CPNE4: variants seen among roughly 807,000 people sequenced by gnomAD.
CPNE4 encodes the protein copine-4.
CPNE4 carries 25 observed loss-of-function variants against 67.9 expected under a neutral mutation model. The observed-to-expected ratio is 0.37, with a 90% CI of 0.27 to 0.51. CPNE4 has a LOEUF of 0.51. CPNE4 is among the 20% of genes least tolerant of loss of function. The probability of loss-of-function intolerance (pLI) is 0.93; values close to 1 mark genes in which losing one functional copy is unlikely to be tolerated. For synonymous variants in CPNE4, 242 were observed against 244.9 expected (o/e 0.99, Z 0.11); for missense variants, 464 against 690.8 (o/e 0.67, Z 3.68).
chr3:131,986,398 C>T (rs1238377825), intron 1 of CPNE4, among the ~76,000 whole-genome samples: 2 of 152,206 alleles, frequency 1.3e-5, no homozygotes, highest in Non-Finnish European at 2.9e-5. Flanking sequence ...AGCTCTAGCA[C>T]ACCACTGTTC....
rs148984188 is a variant in CPNE4 at position 131,591,713 on chromosome 3, G to A, written c.682-4131C>T. ...ATTTTATTTTGACCTTTCTGAGAAGGGATCCCAAAGGAAGAAAGACACAGT... is the reference window on the plus strand; with the variant it reads ...ATTTTATTTTGACCTTTCTGAGAAGAGATCCCAAAGGAAGAAAGACACAGT... On this transcript the variant is annotated intron_variant, in intron 7 of 15. Transcript: ENST00000429747. 4.2e-3 allele frequency among the ~76,000 whole-genome samples: 634 copies of A among 152,220 alleles called. 4 individuals are homozygous for A. Among genetic ancestry groups the A allele is most frequent in the African/African-American group, 0.014 (593 of 41,538 alleles).
intron 1 of CPNE4, among the ~76,000 whole-genome samples, chr3:131,976,082 T>TTG: frequency 8.0e-5 from 1 of 12,532 alleles, no homozygotes; most frequent in African/African-American, 3.3e-4. Flanking sequence ...ATATTGTTGG[T>TTG]TTTTTTTTTT....
intron 1 of CPNE4, among the ~76,000 whole-genome samples, chr3:131,997,594 A>G (rs182143489): frequency 6.6e-6 from 1 of 152,244 alleles, no homozygotes; most frequent in Admixed American, 6.5e-5. Flanking sequence ...AGGTTCACGA[A>G]TCCATTGGTA....
chr3:131,952,589 C>T (rs2071790518), intron 1 of CPNE4, among the ~76,000 whole-genome samples: 1 of 73,708 alleles, frequency 1.4e-5, no homozygotes, highest in African/African-American at 5.4e-5. Context: ...AGCACCCCGC[C>T]CGGCCAGCCG....
chr3:132,010,942 C>T (rs933615192), intron 1 of CPNE4, among the ~76,000 whole-genome samples: 1 of 152,212 alleles, frequency 6.6e-6, no homozygotes, highest in Non-Finnish European at 1.5e-5. Flanking sequence ...GAGCACCACA[C>T]AGCATGAAGA....
chr3:132,023,715 C>T (rs541026322), intron 1 of CPNE4, among the ~76,000 whole-genome samples: 39 of 152,266 alleles, frequency 2.6e-4, no homozygotes, highest in African/African-American at 8.7e-4. Flanking sequence ...TCTCGATCTC[C>T]TGACCTCGTG....
At chr3:131,728,749 C>CA (rs1339890324) in intron 2 of CPNE4, among the ~76,000 whole-genome samples, 150 of 144,278 alleles carry the variant, frequency 1.0e-3, no homozygotes, top group Admixed American at 7.1e-3. Flanking sequence ...TCTCTACTTA[C>CA]AAAAAAAAAA....
At chr3:131,653,793 A>G (rs1171835119) in intron 7 of CPNE4, among the ~76,000 whole-genome samples, 6 of 152,154 alleles carry the variant, frequency 3.9e-5, no homozygotes, top group Non-Finnish European at 8.8e-5. Flanking sequence ...TAGGAAGCCT[A>G]CTCTGAAGCC....
rs2083760085 is a variant in CPNE4, at chr3:131,792,617, A to ATGTATATATATATACACACG, written c.181-69012_181-68993dup. ...TATATGTATATGTGTGTGTGTATAT[A>ATGTATATATATATACACACG]TGTATATATATATACACACGTGTAT... On this transcript the variant is annotated intron_variant, in intron 2 of 15. Coordinates refer to ENST00000429747, the MANE Select transcript of CPNE4 (RefSeq NM_130808.3). Among the ~76,000 whole-genome samples, 2 of 99,156 alleles carry ATGTATATATATATACACACG rather than the reference A, an allele frequency of 2.0e-5. 1 individual carries two copies. Among genetic ancestry groups the ATGTATATATATATACACACG allele is most frequent in the Non-Finnish European group, 4.0e-5 (2 of 50,020 alleles). 65.1% of individuals were successfully genotyped at this position (99,156 alleles called of 152,430 possible). A position where few individuals can be genotyped will look rare whatever the true frequency, so the allele number is the denominator to read the frequency against.
chr3:131,722,883 C>T (rs1402827977), intron 3 of CPNE4, among the ~76,000 whole-genome samples: 1 of 152,202 alleles, frequency 6.6e-6, no homozygotes, highest in Non-Finnish European at 1.5e-5. Flanking sequence ...TTCATCAAAT[C>T]ACTTAACCTC....
At chr3:132,018,525 T>C (rs2073932070) in intron 1 of CPNE4, among the ~76,000 whole-genome samples, 1 of 152,182 alleles carries the variant, frequency 6.6e-6, no homozygotes, top group Non-Finnish European at 1.5e-5. Flanking sequence ...AACTGAATTT[T>C]GAAGTAGGGA....
chr3:131,855,285 T>C (rs894220597), intron 2 of CPNE4, among the ~76,000 whole-genome samples: 13 of 151,964 alleles, frequency 8.6e-5, no homozygotes, highest in East Asian at 1.9e-4. Flanking sequence ...TGTTAAGGCA[T>C]TGAAACTTGG....
intron 6 of CPNE4, among the ~76,000 whole-genome samples, chr3:131,670,105 T>C (rs2080370872): frequency 6.6e-6 from 1 of 152,208 alleles, no homozygotes; most frequent in Non-Finnish European, 1.5e-5. Context: ...GAATTCTCAG[T>C]TCTGTAGGAC....
At chr3:131,696,962 C>T (rs569958373) in intron 4 of CPNE4, among the ~76,000 whole-genome samples, 4 of 152,188 alleles carry the variant, frequency 2.6e-5, no homozygotes, top group Non-Finnish European at 5.9e-5. Context: ...CAATGTCTCC[C>T]TTTGGTAAAT....
chr3:131,859,948 TC>T (rs1182911771), intron 2 of CPNE4, among the ~76,000 whole-genome samples: 4 of 152,088 alleles, frequency 2.6e-5, no homozygotes, highest in African/African-American at 9.7e-5. Flanking sequence ...TCAGTGCAAA[TC>T]CATCCGCAGA....
chr3:131,607,361 C>A, intron 7 of CPNE4, among the ~76,000 whole-genome samples: 1 of 152,084 alleles, frequency 6.6e-6, no homozygotes, highest in East Asian at 1.9e-4. Flanking sequence ...ATTGGACAGA[C>A]CAATAGATTT....
chr3:131,882,104 C>T (rs952820838), intron 2 of CPNE4, among the ~76,000 whole-genome samples: 1 of 151,786 alleles, frequency 6.6e-6, no homozygotes, highest in Non-Finnish European at 1.5e-5. Context: ...CACTGACAAC[C>T]TAGAGATGCT....
intron 2 of CPNE4, among the ~76,000 whole-genome samples, chr3:131,884,062 A>G (rs150235878): frequency 1.3e-5 from 2 of 152,132 alleles, no homozygotes; most frequent in East Asian, 1.9e-4. Flanking sequence ...TTCACTTACC[A>G]TTGTTTACCA....
chr3:131,802,609 A>G (rs528405678), intron 2 of CPNE4, among the ~76,000 whole-genome samples: 13 of 152,294 alleles, frequency 8.5e-5, no homozygotes, highest in African/African-American at 1.9e-4. Flanking sequence ...GGAAAGACCT[A>G]TGTCACAATG....
Sources: allele counts gnomAD v4.1 joint callset (sites outside exome capture counted in the v4.1 genomes callset), GRCh38; gene constraint gnomAD v4.1.1; transcripts MANE v1.5; gene names NCBI Gene and HGNC (gene_info 2026-07-23, HGNC 2026-07-21).